Variants in USH2A observed in about 807,000 individuals in gnomAD.
The protein encoded by USH2A is usherin.
A neutral mutation model predicts 538.9 loss-of-function variants in USH2A; 443 were observed. The observed-to-expected ratio is 0.82, with a 90% confidence interval of 0.76 to 0.89. The LOEUF is 0.89. USH2A is among the 40% of genes least tolerant of loss of function. The pLI is 0.00. For synonymous variants in USH2A, 2,413 were observed against 2,273.5 expected (o/e 1.06, Z -1.75); for missense variants, 6,633 against 6,324.8 (o/e 1.05, Z -1.65).
At chr1:216,327,100 A>G (rs1029872130) in intron 5 of USH2A, among the ~76,000 whole-genome samples, 18 of 152,190 alleles carry the variant, frequency 1.2e-4, no homozygotes, top group Non-Finnish European at 1.8e-4. Flanking sequence ...AGAAAAATAT[A>G]TCACAATACT....
intron 71 of USH2A, among the ~76,000 whole-genome samples, chr1:215,627,485 T>TTTCC (rs1462172191): frequency 6.3e-5 from 6 of 94,510 alleles, no homozygotes; most frequent in Admixed American, 1.0e-4. Context: ...TCCTTCCTTC[T>TTTCC]TTCCTTCCTT....
At chr1:215,693,954 G>A (rs1054183399) in intron 61 of USH2A, among the ~76,000 whole-genome samples, 2 of 152,154 alleles carry the variant, frequency 1.3e-5, no homozygotes, top group African/African-American at 4.8e-5. Context: ...CAATTTGTTT[G>A]AACTTTTATT....
intron 38 of USH2A, among the ~76,000 whole-genome samples, chr1:215,926,028 G>GA (rs1666229336): frequency 1.3e-5 from 2 of 151,986 alleles, no homozygotes; most frequent in Admixed American, 1.3e-4. Flanking sequence ...AAAAAAACAA[G>GA]AACAAAAACA....
Position 215,798,924 on chromosome 1 carries a change from A to G in USH2A, c.9941T>C (p.Val3314Ala), listed in dbSNP as rs949059165. The G allele has an allele frequency of 6.2e-7, 1 of 1,614,060 alleles. No homozygotes were observed. Among genetic ancestry groups the G allele is most frequent in the Non-Finnish European group, 8.5e-7 (1 of 1,179,976 alleles). Residue 3314 changes from valine to alanine, a missense_variant, in exon 50 of 72, where the codon GTG becomes GCG. Val to Ala is a moderately conservative substitution (Grantham distance 64, BLOSUM62 0). Transcript: ENST00000307340. ...LECCGGEEGV[V>A]YNRLPGMFCC... ...CCCCTTACCTGGAAGGCGATTGTAC[A>G]CCACTCCTTCTTCTCCACCACAACA...
intron 42 of USH2A, 108 bp from the exon 43 acceptor site, chr1:215,877,988 TAAAGA>T: frequency 2.0e-6 from 3 of 1,479,828 alleles, no homozygotes; most frequent in Non-Finnish European, 1.9e-6. Flanking sequence ...CGTGGAAGCA[TAAAGA>T]ATAACATCTT....
intron 44 of USH2A, among the ~76,000 whole-genome samples, chr1:215,861,144 T>C (rs1274586429): frequency 1.3e-5 from 2 of 152,202 alleles, no homozygotes; most frequent in African/African-American, 4.8e-5. Context: ...GTCTTGTCTC[T>C]AGTTTACCCA....
chr1:216,113,060 C>T (rs190243979), intron 21 of USH2A, among the ~76,000 whole-genome samples: 16 of 151,040 alleles, frequency 1.1e-4, no homozygotes, highest in African/African-American at 3.6e-4. Context: ...CCATTCCTTC[C>T]TTGGAACGAT....
At chr1:215,688,499 C>T (rs536446500) in intron 61 of USH2A, among the ~76,000 whole-genome samples, 1 of 152,216 alleles carries the variant, frequency 6.6e-6, no homozygotes, top group African/African-American at 2.4e-5. Flanking sequence ...CATTTGTCTA[C>T]TCGGGCTGCT....
chr1:216,366,956 G>A (rs189223030), intron 3 of USH2A, among the ~76,000 whole-genome samples: 2 of 151,984 alleles, frequency 1.3e-5, no homozygotes, highest in Admixed American at 1.3e-4. Flanking sequence ...TTTGTTATTT[G>A]TAGCATTATC....
chr1:216,272,619 A>G (rs1398038766), intron 11 of USH2A, among the ~76,000 whole-genome samples: 2 of 152,034 alleles, frequency 1.3e-5, no homozygotes, highest in Non-Finnish European at 2.9e-5. Flanking sequence ...TCATTTTGCT[A>G]TTCATCCCTG....
chr1:216,261,457 A>G (rs2036369891), intron 11 of USH2A, among the ~76,000 whole-genome samples: 3 of 151,528 alleles, frequency 2.0e-5, no homozygotes, highest in Admixed American at 1.3e-4. Flanking sequence ...TCCAAAAAAA[A>G]AAAAAAAGGC....
chr1:216,253,757 A>G (rs941744333), intron 11 of USH2A, among the ~76,000 whole-genome samples: 6 of 152,248 alleles, frequency 3.9e-5, no homozygotes, highest in African/African-American at 1.4e-4. Context: ...ACAAACAAAC[A>G]AATTGTAGTC....
At chr1:215,796,283 G>C (rs536764923) in intron 50 of USH2A, among the ~76,000 whole-genome samples, 4 of 152,050 alleles carry the variant, frequency 2.6e-5, no homozygotes, top group Admixed American at 2.0e-4. Context: ...ACAAATTGAA[G>C]TTTTGTGGCC....
intron 43 of USH2A, among the ~76,000 whole-genome samples, chr1:215,875,934 T>C (rs1015635904): frequency 2.1e-5 from 3 of 144,804 alleles, no homozygotes; most frequent in African/African-American, 5.1e-5. Flanking sequence ...TTGATTATTA[T>C]ATATAATTAA....
intron 64 of USH2A, 92 bp downstream of exon 64, chr1:215,670,880 A>T: frequency 1.5e-6 from 2 of 1,299,166 alleles, no homozygotes; most frequent in Non-Finnish European, 2.2e-6. Flanking sequence ...ACATTTCTTT[A>T]AGTGCCTTTT....
At chr1:215,886,037 G>A (rs1010618715) in intron 41 of USH2A, among the ~76,000 whole-genome samples, 1 of 152,126 alleles carries the variant, frequency 6.6e-6, no homozygotes, top group Non-Finnish European at 1.5e-5. Flanking sequence ...TGTCCCTACT[G>A]CCTAAAAGAG....
chr1:215,978,858 A>G (rs1394304647), intron 35 of USH2A, among the ~76,000 whole-genome samples: 1 of 152,196 alleles, frequency 6.6e-6, no homozygotes, highest in Non-Finnish European at 1.5e-5. Flanking sequence ...TGTCTCAGGA[A>G]GATGCTTCTG....
At chr1:216,366,088 C>T (rs564745663) in intron 3 of USH2A, among the ~76,000 whole-genome samples, 1 of 152,190 alleles carries the variant, frequency 6.6e-6, no homozygotes, top group East Asian at 1.9e-4. Flanking sequence ...TGCAAATAGT[C>T]TTTTTGTTCA....
chr1:215,894,159 G>T (rs1349300512), intron 40 of USH2A, among the ~76,000 whole-genome samples: 1 of 152,088 alleles, frequency 6.6e-6, no homozygotes, highest in Non-Finnish European at 1.5e-5. Flanking sequence ...ATTTGGAATG[G>T]AGAAAGCAAA....
Sources: allele counts gnomAD v4.1 joint callset (sites outside exome capture counted in the v4.1 genomes callset), GRCh38; gene constraint gnomAD v4.1.1; transcripts MANE v1.5; gene names NCBI Gene and HGNC (gene_info 2026-07-23, HGNC 2026-07-21).